The following BCAP31 variants were observed in gnomAD, a reference collection of about 807,000 sequenced individuals.
BCAP31 encodes the protein B cell receptor associated protein 31, also known as B-cell receptor-associated protein 31.
For synonymous variants in BCAP31, 75 were observed against 80.9 expected, an observed-to-expected ratio of 0.93 and a Z score of 0.39; for missense variants, 124 against 193.0, an observed-to-expected ratio of 0.64 and a Z score of 2.12.
chrX:153,721,020 C>A (rs377055713), intron 2 of BCAP31, 48 bp from the exon 3 acceptor site: 1 of 1,106,032 alleles, frequency 9.0e-7, no homozygotes, highest in Non-Finnish European at 1.2e-6. Context: ...AGCACACACA[C>A]GAGCTCTAGG....
At chrX:153,721,160 G>A (rs1300427172) in intron 2 of BCAP31, 188 bp from the exon 3 acceptor site, 3 of 417,569 alleles carry the variant, frequency 7.2e-6, no homozygotes, top group Admixed American at 4.2e-5. Flanking sequence ...AAAAGGCCAG[G>A]TGCAATGGCT....
chrX:153,702,249 G>A, intron 6 of BCAP31, 142 bp from the exon 7 acceptor site: 1 of 495,175 alleles, frequency 2.0e-6, no homozygotes. Context: ...TCAAAATAAA[G>A]CCCCTCTGCT....
chrX:153,702,170 C>T, intron 6 of BCAP31, 63 bp from the exon 7 acceptor site: 2 of 989,236 alleles, frequency 2.0e-6, no homozygotes, highest in Non-Finnish European at 2.8e-6. Flanking sequence ...GGGGAAAAAA[C>T]CCGACTGCTA....
intron 1 of BCAP31, chrX:153,723,524 G>C (rs1557051545): frequency 2.6e-6 from 3 of 1,164,406 alleles, no homozygotes; most frequent in Admixed American, 2.6e-5. Flanking sequence ...CCTCCAGCAC[G>C]TGTGTCAACA....
chrX:153,706,795 C>G (rs1382858332), intron 4 of BCAP31, among the ~76,000 whole-genome samples: 1 of 100,938 alleles, frequency 9.9e-6, no homozygotes, highest in African/African-American at 4.3e-5. Flanking sequence ...ACTCAGCCCT[C>G]TTGGCCCCCA....
chrX:153,705,717 G>A (rs1557048206), intron 4 of BCAP31, among the ~76,000 whole-genome samples: 2 of 112,265 alleles, frequency 1.8e-5, no homozygotes, highest in Non-Finnish European at 3.8e-5. Flanking sequence ...CCGGCAAGGA[G>A]CTGCCCAGCC....
chrX:153,704,855 A>C (rs1357485973), intron 4 of BCAP31: 2 of 112,094 alleles, frequency 1.8e-5, no homozygotes, highest in Non-Finnish European at 3.8e-5. Flanking sequence ...GAGGGTGTAG[A>C]GGAATCAGGA....
At chrX:153,701,872 G>A (rs1186106404) in intron 7 of BCAP31, 135 bp downstream of exon 7, 2 of 548,323 alleles carry the variant, frequency 3.6e-6, no homozygotes, top group Non-Finnish European at 5.8e-6. Flanking sequence ...ACTCAGTAGG[G>A]CAGAGGTGGC....
rs375757112 is a variant in BCAP31, at chrX:153,715,535, C to G, written c.341+7G>C. 5.8e-6 allele frequency: 7 copies of G among 1,210,739 alleles called. No homozygotes were observed. The South Asian group carries it at 7.0e-5, about 12-fold the overall frequency. ...CACAGCACCTGCCCCCTCAACCCCC[C>G]ACTCACAAGGACAGCAGCAAGGAAA... On this transcript the variant is annotated splice_region_variant and intron_variant, in intron 4 of 7. Transcript: ENST00000345046.
At chrX:153,701,838 C>A (rs1360640696) in intron 7 of BCAP31, among the ~76,000 whole-genome samples, 169 bp downstream of exon 7, 1 of 112,971 alleles carries the variant, frequency 8.9e-6, no homozygotes, top group Non-Finnish European at 1.9e-5. Context: ...CAGGCCACCC[C>A]CCTCCTGCCC....
intron 2 of BCAP31, among the ~76,000 whole-genome samples, chrX:153,721,596 G>A (rs782237444): frequency 2.9e-5 from 3 of 103,594 alleles, no homozygotes; most frequent in East Asian, 6.2e-4. Flanking sequence ...AATCTTAAAC[G>A]TGGGCAGTTG....
At chrX:153,715,155 A>G (rs1379188151) in intron 4 of BCAP31, among the ~76,000 whole-genome samples, 1 of 111,781 alleles carries the variant, frequency 8.9e-6, no homozygotes, top group African/African-American at 3.3e-5. Context: ...TCCCTAGGTC[A>G]ACACCCCGGA....
intron 4 of BCAP31, among the ~76,000 whole-genome samples, 160 bp from the exon 5 acceptor site, chrX:153,704,254 G>GT (rs1190126019): frequency 1.8e-5 from 2 of 112,428 alleles, no homozygotes; most frequent in Non-Finnish European, 3.8e-5. Flanking sequence ...TGCTGGCAGC[G>GT]TGAGGGAAAA....
At chrX:153,717,564 C>T (rs1366716520) in intron 3 of BCAP31, among the ~76,000 whole-genome samples, 2 of 112,430 alleles carry the variant, frequency 1.8e-5, no homozygotes, top group African/African-American at 6.5e-5. Flanking sequence ...CAAGTGTGTG[C>T]TACCACACTC....
At chrX:153,714,905 C>T (rs1226773656) in intron 4 of BCAP31, among the ~76,000 whole-genome samples, 2 of 111,489 alleles carry the variant, frequency 1.8e-5, no homozygotes, top group Non-Finnish European at 3.8e-5. Flanking sequence ...CTGATCAGAA[C>T]GGCTATGTGA....
At position 153,723,218 on chromosome X, in the gene BCAP31, G is replaced by A; in HGVS notation, c.27C>T (p.Ala9=). 1 of 1,209,822 alleles carries A rather than the reference G, an allele frequency of 8.3e-7. No homozygotes were observed. Among genetic ancestry groups the A allele is most frequent in the Non-Finnish European group, 1.1e-6 (1 of 893,977 alleles). The part of the protein sequence containing the change: MSLQWTAV[A]TFLYAEVFVV... ...CAAAGACCTCCGCATAGAGGAAGGT[G>A]GCAACTGCAGTCCACTGCAGACTCA... The change falls in exon 2 of 8, where the codon GCC becomes GCT. Residue 9 remains alanine, a synonymous_variant. Coordinates refer to ENST00000345046, the MANE Select transcript of BCAP31 (RefSeq NM_001256447.2).
chrX:153,716,633 A>C (rs1016644112), intron 3 of BCAP31, among the ~76,000 whole-genome samples: 3 of 107,548 alleles, frequency 2.8e-5, no homozygotes, highest in African/African-American at 1.0e-4. Context: ...GGTGCTGCAC[A>C]CCTGTAGTCC....
Position 153,716,426 on chromosome X carries a change from C to T in BCAP31, c.194-737G>A, listed in dbSNP as rs149909891. Among the ~76,000 whole-genome samples the T allele has an allele frequency of 2.8e-5, 3 of 108,700 alleles. No homozygotes were observed. The East Asian group carries it at 8.7e-4, about 31-fold the overall frequency. The allele number at this position is 108,700 out of a possible 115,157, so 94.4% of individuals were successfully genotyped here. On this transcript the variant is annotated intron_variant, in intron 3 of 7. Coordinates refer to ENST00000345046, the MANE Select transcript of BCAP31 (RefSeq NM_001256447.2). ...AACCTGGAGATGGAAATGCCTGCTC[C>T]GGGGACCTAAGGTGCTTAAGAGTCA...
In BCAP31 at chrX:153,723,088, C is replaced by CTGGT. The variant is rs2091678893; in HGVS notation, c.92+64_92+65insACCA. Reference sequence around the variant, plus strand: ...TCCAGGGTCCACCAGCTGCACACACCAGTCCCAGGGCTAGGGCACAGGCAC... The same window carrying CTGGT: ...TCCAGGGTCCACCAGCTGCACACACCTGGTAGTCCCAGGGCTAGGGCACAGGCAC... On this transcript the variant is annotated intron_variant, in intron 2 of 7. Transcript: ENST00000345046. 4 of 1,165,815 alleles carry CTGGT rather than the reference C, an allele frequency of 3.4e-6. No homozygotes were observed. The East Asian group carries it at 1.2e-4, about 35-fold the overall frequency.
Sources: allele counts gnomAD v4.1 joint callset (sites outside exome capture counted in the v4.1 genomes callset), GRCh38; gene constraint gnomAD v4.1.1; transcripts MANE v1.5; gene names NCBI Gene and HGNC (gene_info 2026-07-23, HGNC 2026-07-21).